Variants in HPS5 observed in about 807,000 individuals in gnomAD.
HPS5 encodes HPS5 biogenesis of lysosomal organelles complex 2 subunit 2, also known as BLOC-2 complex member HPS5.
Under a neutral mutation model 128.0 loss-of-function variants are expected in HPS5, and 83 were observed. That is an observed-to-expected ratio of 0.65 (90% CI 0.54 to 0.78). The LOEUF (loss-of-function observed/expected upper bound fraction) is 0.78, where lower values mean the gene tolerates loss of function less well. Among genes scored for constraint, HPS5 ranks in the 30% least tolerant of loss-of-function variants. The pLI is 0.00. For missense variants in HPS5, 1,281 were observed against 1,326.2 expected (o/e 0.97, Z 0.53); for synonymous variants, 475 against 470.2 (o/e 1.01, Z -0.13).
intron 8 of HPS5, among the ~76,000 whole-genome samples, chr11:18,301,454 C>T (rs1294044712): frequency 1.9e-5 from 1 of 52,098 alleles, no homozygotes; most frequent in Admixed American, 2.1e-4. Context: ...GACTCTGTCT[C>T]AAAAAAAAAA....
chr11:18,299,868 G>C (rs991946556), intron 9 of HPS5, among the ~76,000 whole-genome samples: 6 of 152,078 alleles, frequency 3.9e-5, no homozygotes, highest in African/African-American at 1.4e-4. Flanking sequence ...AAATAAGCTA[G>C]GAACAGAAAG....
intron 13 of HPS5, among the ~76,000 whole-genome samples, chr11:18,295,728 C>T (rs1051899257): frequency 1.1e-4 from 17 of 152,146 alleles, no homozygotes; most frequent in African/African-American, 2.4e-4. Context: ...ACTAATGATA[C>T]GTGGAAACTA....
intron 21 of HPS5, 92 bp downstream of exon 21, chr11:18,283,703 T>C: frequency 1.2e-6 from 1 of 812,316 alleles, no homozygotes; most frequent in South Asian, 1.4e-5. Flanking sequence ...AAATATATGA[T>C]CATTGAAAGG....
chr11:18,314,580 T>C (rs1465624883), intron 2 of HPS5: 1 of 152,164 alleles, frequency 6.6e-6, no homozygotes, highest in Non-Finnish European at 1.5e-5. Context: ...TTGTAACTGC[T>C]GCTAATCAAA....
chr11:18,318,789 A>G (rs918512515), intron 1 of HPS5, among the ~76,000 whole-genome samples: 1 of 152,222 alleles, frequency 6.6e-6, no homozygotes, highest in Non-Finnish European at 1.5e-5. Context: ...TTCATGCTTT[A>G]CGTTTTTGAC....
rs767602593 is a variant in HPS5, at chr11:18,282,146, G to A, written c.3133C>T (p.Pro1045Ser). The change falls in exon 22 of 23, where the codon CCC becomes TCC. Residue 1045 changes from proline to serine, a missense_variant. By Grantham distance (74) the Pro-to-Ser change is moderately conservative (BLOSUM62 -1). Coordinates refer to ENST00000349215, the MANE Select transcript of HPS5 (RefSeq NM_181507.2). ...AGGCTCCCATTTAGTGACTCCTGGG[G>A]GGCTGGCCTCGTGCTCTTGCTCTGT... ...LIQSKSTRPA[P>S]QESLNGSLSD... 3.7e-6 allele frequency: 6 copies of A among 1,614,122 alleles called. No homozygotes were observed. Among genetic ancestry groups the A allele is most frequent in the East Asian group, 2.2e-5 (1 of 44,880 alleles).
intron 5 of HPS5, among the ~76,000 whole-genome samples, chr11:18,310,169 T>C (rs1862807648): frequency 6.6e-6 from 1 of 152,208 alleles, no homozygotes; most frequent in Admixed American, 6.5e-5. Context: ...AATGACAGAC[T>C]GGAGCATTCT....
intron 20 of HPS5, among the ~76,000 whole-genome samples, chr11:18,284,714 A>G (rs902615973): frequency 2.0e-5 from 3 of 152,224 alleles, no homozygotes. Flanking sequence ...TTAGATATAG[A>G]CATTATGAGG....
rs763599072 is a variant in HPS5, at chr11:18,291,688, C to A, written c.2194G>T (p.Gly732Cys). ...QICSPCAIAS[G>C]LRNDLAELTT... ...AATTCAGCCAGGTCGTTCCGAAGAC[C>A]ACTTGCAATGGCGCATGGAGAACAT... Residue 732 changes from glycine to cysteine, a missense_variant, in exon 16 of 23, where the codon GGT (glycine) becomes TGT (cysteine). Physicochemically the swap from Gly to Cys is radical, Grantham distance 159. Coordinates refer to ENST00000349215, the MANE Select transcript of HPS5 (RefSeq NM_181507.2). 6.2e-7 allele frequency: 1 copy of A among 1,614,100 alleles called. No homozygotes were observed. The highest frequency in any genetic ancestry group is 1.3e-5 in the African/African-American group (1 of 74,944).
chr11:18,289,307 G>A (rs187111414), intron 16 of HPS5, among the ~76,000 whole-genome samples: 31 of 152,248 alleles, frequency 2.0e-4, no homozygotes, highest in East Asian at 3.9e-4. Flanking sequence ...TGATGACTGC[G>A]CGGGAGCTAA....
intron 16 of HPS5, among the ~76,000 whole-genome samples, chr11:18,291,072 G>C (rs1003559761): frequency 6.6e-6 from 1 of 152,190 alleles, no homozygotes; most frequent in African/African-American, 2.4e-5. Context: ...ACAAAAATTA[G>C]CTGGGCGTGG....
chr11:18,309,665 G>A (rs1378957797), intron 5 of HPS5, among the ~76,000 whole-genome samples: 2 of 152,190 alleles, frequency 1.3e-5, no homozygotes, highest in Non-Finnish European at 2.9e-5. Flanking sequence ...GGTCATGACG[G>A]CAAACCAGAA....
At chr11:18,319,255 C>CCACACACA (rs10531816) in intron 1 of HPS5, among the ~76,000 whole-genome samples, 5,617 of 139,132 alleles carry the variant, frequency 0.04, 293 homozygotes, top group African/African-American at 0.13. Context: ...AAGACAAATA[C>CCACACACA]CACACACACA....
At chr11:18,297,123 G>C (rs967518680) in intron 11 of HPS5, 139 bp from the exon 12 acceptor site, 2 of 686,110 alleles carry the variant, frequency 2.9e-6, no homozygotes, top group Non-Finnish European at 5.0e-6. Context: ...AAACTGATGA[G>C]CAAGGCTTAG....
rs749923910 is a variant in HPS5 at position 18,298,832 on chromosome 11, C to T, written c.1124G>A (p.Arg375His). ...AGAATTTTGGAAAAGACAGCATGTA[C>T]GAGCAGCCAAGTTCCATAGGCCTCT... ...LRRGLWNLAA[R>H]TCCLFQNSVI... The change falls in exon 10 of 23, where the codon CGT becomes CAT. Residue 375 changes from arginine to histidine, a missense_variant. Coordinates refer to ENST00000349215, the MANE Select transcript of HPS5 (RefSeq NM_181507.2). 21 of 1,614,008 alleles carry T rather than the reference C, an allele frequency of 1.3e-5. No homozygotes were observed. Among genetic ancestry groups the T allele is most frequent in the Admixed American group, 6.7e-5 (4 of 59,988 alleles).
At chr11:18,315,693 C>T (rs1301080432) in intron 2 of HPS5, among the ~76,000 whole-genome samples, 2 of 152,110 alleles carry the variant, frequency 1.3e-5, no homozygotes, top group South Asian at 2.1e-4. Context: ...TAAACCCTTT[C>T]CCTAAGGATC....
chr11:18,282,012 A>G lies in HPS5; in HGVS notation c.3267T>C (p.Leu1089=). 6.2e-7 allele frequency: 1 copy of G among 1,614,186 alleles called. No individual in the cohort carries two copies. The highest frequency in any genetic ancestry group is 8.5e-7 in the Non-Finnish European group (1 of 1,180,040). ...WSLLQECGLA[L]ELSEKFTRTC... ...TTCTGGTAAACTTCTCTGACAACTCAAGGGCCAGACCACATTCCTGTAGCA... is the reference window on the plus strand; with the variant it reads ...TTCTGGTAAACTTCTCTGACAACTCGAGGGCCAGACCACATTCCTGTAGCA... Residue 1089 remains leucine, a synonymous_variant, in exon 22 of 23, where the codon CTT becomes CTC. Coordinates refer to ENST00000349215, the MANE Select transcript of HPS5 (RefSeq NM_181507.2).
chr11:18,317,977 T>C, intron 1 of HPS5, 70 bp from the exon 2 acceptor site: 3 of 1,161,612 alleles, frequency 2.6e-6, no homozygotes, highest in Non-Finnish European at 3.7e-6. Flanking sequence ...AACAAATATG[T>C]GGGGAACATA....
chr11:18,287,987 T>C lies in HPS5; in HGVS notation c.2467A>G (p.Met823Val). The change falls in exon 17 of 23, where the codon ATG becomes GTG. Residue 823 changes from methionine (M) to valine (V), a missense_variant. Transcript: ENST00000349215. Reference sequence around the variant, plus strand: ...GGTAGATCTCCTTTTTCCATCTCCATATACACAGGATTGGAACTTGCCATT... The same window carrying C: ...GGTAGATCTCCTTTTTCCATCTCCACATACACAGGATTGGAACTTGCCATT... ...KEMASSNPVY[M>V]EMEKGDLPTR... 1.2e-6 allele frequency: 2 copies of C among 1,613,774 alleles called. No homozygotes were observed. Among genetic ancestry groups the C allele is most frequent in the Non-Finnish European group, 8.5e-7 (1 of 1,179,826 alleles).
Sources: gnomAD v4.1 joint callset for allele counts (sites outside exome capture counted in the v4.1 genomes callset) on GRCh38, gnomAD v4.1.1 for gene constraint, MANE v1.5 for transcripts, NCBI Gene and HGNC (gene_info 2026-07-23, HGNC 2026-07-21) for gene names.